Variants in DIAPH2 observed in about 807,000 individuals in gnomAD.
The protein encoded by DIAPH2 is diaphanous related formin 2.
In DIAPH2, 35 loss-of-function variants were observed where a neutral mutation model predicts 92.7. The ratio of observed to expected loss-of-function variants is 0.38; its 90% CI spans 0.29 to 0.50. The LOEUF (loss-of-function observed/expected upper bound fraction) is 0.50, where lower values mean the gene tolerates loss of function less well. Among genes scored for constraint, DIAPH2 ranks in the 20% least tolerant of loss-of-function variants. The probability of loss-of-function intolerance (pLI) is 0.94; values close to 1 mark genes in which losing one functional copy is unlikely to be tolerated. For synonymous variants in DIAPH2, 301 were observed against 280.4 expected, an observed-to-expected ratio of 1.07 and a Z score of -0.73; for missense variants, 701 against 819.5, an observed-to-expected ratio of 0.86 and a Z score of 1.77.
intron 20 of DIAPH2, among the ~76,000 whole-genome samples, chrX:97,106,637 A>C (rs981583549): frequency 9.0e-6 from 1 of 111,692 alleles, no homozygotes; most frequent in African/African-American, 3.3e-5. Flanking sequence ...CCACCATAGA[A>C]ATTTTTATGG....
At chrX:97,237,876 C>T (rs2068061710) in intron 22 of DIAPH2, among the ~76,000 whole-genome samples, 1 of 112,159 alleles carries the variant, frequency 8.9e-6, no homozygotes, top group Non-Finnish European at 1.9e-5. Flanking sequence ...CCACCGCGCC[C>T]GGCCCGCAAA....
intron 16 of DIAPH2, among the ~76,000 whole-genome samples, chrX:96,962,432 TATATATATAC>T (rs1569436669): frequency 1.7e-4 from 11 of 63,011 alleles, no homozygotes; most frequent in African/African-American, 1.9e-4. Context: ...TATATATACA[TATATATATAC>T]ATATATACAC....
intron 20 of DIAPH2, among the ~76,000 whole-genome samples, chrX:97,111,579 C>T (rs1359759500): frequency 8.9e-6 from 1 of 112,066 alleles, no homozygotes; most frequent in Non-Finnish European, 1.9e-5. Flanking sequence ...TACTAAGTCC[C>T]ATTTATTCTT....
intron 26 of DIAPH2, among the ~76,000 whole-genome samples, chrX:97,533,659 T>C (rs2071076106): frequency 9.0e-6 from 1 of 111,055 alleles, no homozygotes; most frequent in Admixed American, 9.7e-5. Flanking sequence ...TTATAGGTAT[T>C]ATTTTCTCTG....
chrX:97,547,706 T>C (rs1184634852), intron 26 of DIAPH2, among the ~76,000 whole-genome samples: 5 of 110,911 alleles, frequency 4.5e-5, no homozygotes, highest in Non-Finnish European at 7.7e-5. Context: ...TGACGAACAC[T>C]TTTTTGTATC....
chrX:97,082,264 A>G (rs1284212537), intron 19 of DIAPH2, among the ~76,000 whole-genome samples: 2 of 110,082 alleles, frequency 1.8e-5, no homozygotes, highest in African/African-American at 6.6e-5. Flanking sequence ...CTTTCATACT[A>G]TATCCATTGG....
At chrX:96,726,527 G>A (rs1403032374) in intron 1 of DIAPH2, among the ~76,000 whole-genome samples, 1 of 111,765 alleles carries the variant, frequency 8.9e-6, no homozygotes, top group Non-Finnish European at 1.9e-5. Flanking sequence ...GATTAAGAAA[G>A]AGGTGAGGTG....
intron 4 of DIAPH2, among the ~76,000 whole-genome samples, chrX:96,871,397 T>G (rs993828890): frequency 5.9e-4 from 54 of 91,955 alleles, no homozygotes; most frequent in African/African-American, 2.3e-3. Flanking sequence ...GTGAACCTGG[T>G]AGGCGGAGAT....
chrX:97,237,820 A>T (rs973600661), intron 22 of DIAPH2, among the ~76,000 whole-genome samples: 2 of 110,817 alleles, frequency 1.8e-5, no homozygotes, highest in African/African-American at 6.6e-5. Flanking sequence ...TGACCTCGTG[A>T]TCCACCCGCC....
chrX:97,575,688 G>A (rs1044497149), intron 26 of DIAPH2, among the ~76,000 whole-genome samples: 1 of 111,817 alleles, frequency 8.9e-6, no homozygotes, highest in Non-Finnish European at 1.9e-5. Context: ...ACAATCAGGA[G>A]AAATATTGAG....
intron 2 of DIAPH2, among the ~76,000 whole-genome samples, chrX:96,736,443 T>G (rs984140012): frequency 1.8e-5 from 2 of 111,030 alleles, no homozygotes; most frequent in African/African-American, 6.6e-5. Flanking sequence ...CAGGCTGGAG[T>G]GCAGTGGCGC....
At chrX:97,223,733 G>A (rs998709857) in intron 22 of DIAPH2, among the ~76,000 whole-genome samples, 1 of 111,297 alleles carries the variant, frequency 9.0e-6, no homozygotes, top group African/African-American at 3.3e-5. Context: ...TATCCTATTA[G>A]TTTAAACAAC....
chrX:97,600,727 T>G lies in DIAPH2; in HGVS notation c.*1410T>G, dbSNP rs2071588869. The G allele has an allele frequency of 4.0e-5, 4 of 98,893 alleles. No individual in the cohort carries two copies. Among genetic ancestry groups the G allele is most frequent in the African/African-American group, 1.5e-4 (4 of 26,232 alleles). The allele number at this position is 98,893 out of a possible 1,213,427, so 8.1% of individuals were successfully genotyped here. A position where few individuals can be genotyped will look rare whatever the true frequency, so the allele number is the denominator to read the frequency against. Reference sequence around the variant, plus strand: ...TGATTATTGTAAGAAATTTCTTACATGTATATTTCTTATGTAGAAAATACT... The same window carrying G: ...TGATTATTGTAAGAAATTTCTTACAGGTATATTTCTTATGTAGAAAATACT... On this transcript the variant is annotated 3_prime_UTR_variant, in exon 27 of 27. Coordinates refer to ENST00000324765, the MANE Select transcript of DIAPH2 (RefSeq NM_006729.5).
At chrX:97,308,614 C>CTTT (rs34812351) in intron 23 of DIAPH2, among the ~76,000 whole-genome samples, 15 of 40,909 alleles carry the variant, frequency 3.7e-4, no homozygotes, top group African/African-American at 1.1e-3. Flanking sequence ...GAAACCCCAT[C>CTTT]TTTTTTTTTT....
chrX:97,204,794 C>G (rs182276734), intron 22 of DIAPH2, among the ~76,000 whole-genome samples: 1 of 111,561 alleles, frequency 9.0e-6, no homozygotes, highest in East Asian at 2.8e-4. Flanking sequence ...CTACCATTGA[C>G]TTTCTTCACA....
At chrX:97,343,029 G>A (rs187970505) in intron 23 of DIAPH2, among the ~76,000 whole-genome samples, 21 of 112,003 alleles carry the variant, frequency 1.9e-4, no homozygotes, top group Non-Finnish European at 1.3e-4. Flanking sequence ...AGCTTACATT[G>A]CAGGGATGGG....
chrX:97,248,063 G>T lies in DIAPH2; in HGVS notation c.2844+224G>T, dbSNP rs537143769. 8.9e-5 allele frequency among the ~76,000 whole-genome samples: 10 copies of T among 111,938 alleles called. No individual in the cohort carries two copies. The South Asian group carries it at 3.7e-3, about 41-fold the overall frequency. The stretch of plus-strand genomic sequence containing the variant: ...TTTTTGAAGGCTATTTCTCAAAGAA[G>T]AATTCCATTTGAAAGCCCACAGGAT... On this transcript the variant is annotated intron_variant, in intron 23 of 26. Coordinates refer to ENST00000324765, the MANE Select transcript of DIAPH2 (RefSeq NM_006729.5).
intron 26 of DIAPH2, among the ~76,000 whole-genome samples, chrX:97,570,611 C>G (rs1206287139): frequency 5.4e-5 from 6 of 110,747 alleles, no homozygotes. Flanking sequence ...AATCTCCTCT[C>G]TAGTGTGCTT....
intron 23 of DIAPH2, among the ~76,000 whole-genome samples, chrX:97,254,423 C>T (rs1439273595): frequency 3.0e-5 from 3 of 100,631 alleles, no homozygotes; most frequent in Non-Finnish European, 5.9e-5. Context: ...ACCCAGGAGG[C>T]GAAGGTTGCA....
Sources: gnomAD v4.1 joint callset for allele counts (sites outside exome capture counted in the v4.1 genomes callset) on GRCh38, gnomAD v4.1.1 for gene constraint, MANE v1.5 for transcripts, NCBI Gene and HGNC (gene_info 2026-07-23, HGNC 2026-07-21) for gene names.